SNAP47: variants seen among roughly 807,000 people sequenced by gnomAD.
The protein encoded by SNAP47 is synaptosome associated protein 47, also known as synaptosomal-associated protein 47.
In SNAP47, 20 loss-of-function variants were observed where a neutral mutation model predicts 31.4. The observed-to-expected ratio is 0.64, with a 90% CI of 0.45 to 0.93. The LOEUF is 0.93. SNAP47 is among the 40% of genes least tolerant of loss of function. SNAP47 has a pLI of 0.00. For missense variants in SNAP47, 492 were observed against 528.5 expected, an observed-to-expected ratio of 0.93 and a Z score of 0.68; for synonymous variants, 194 against 213.4, an observed-to-expected ratio of 0.91 and a Z score of 0.79.
intron 1 of SNAP47, among the ~76,000 whole-genome samples, chr1:227,737,843 TC>T (rs1163469564): frequency 6.6e-6 from 1 of 152,096 alleles, no homozygotes; most frequent in South Asian, 2.1e-4. Context: ...CGTGCTATGG[TC>T]CCTTCCTAGT....
Position 227,743,559 on chromosome 1 carries a change from C to T in SNAP47, c.-45-4133C>T, listed in dbSNP as rs149886207. 5.3e-5 allele frequency among the ~76,000 whole-genome samples: 8 copies of T among 152,354 alleles called. No individual in the cohort carries two copies. The East Asian group carries it at 7.7e-4, about 15-fold the overall frequency. On this transcript the variant is annotated intron_variant, in intron 1 of 4. Coordinates refer to ENST00000617596, the MANE Select transcript of SNAP47 (RefSeq NM_053052.4). ...CGAGACTACAGAAGGCTCACCTTCC[C>T]GGCAGTCCCAGGCCTTGCAGGCTCT...
upstream of SNAP47, chr1:227,733,064 G>A (rs774960205): frequency 6.2e-7 from 1 of 1,609,350 alleles, no homozygotes; most frequent in Non-Finnish European, 8.5e-7. Context: ...CTGAGCCCAT[G>A]GCAGGTGCCC....
upstream of SNAP47, chr1:227,732,235 G>T: frequency 1.2e-5 from 10 of 849,342 alleles, no homozygotes; most frequent in Non-Finnish European, 1.9e-5. Flanking sequence ...GGCCTCACCT[G>T]AAAACAGGCA....
chr1:227,775,740 C>T (rs1664120300), intron 4 of SNAP47: 2 of 1,295,542 alleles, frequency 1.5e-6, no homozygotes, highest in Non-Finnish European at 2.0e-6. Context: ...CCTTTATAAA[C>T]AAAATGGAAA....
intron 4 of SNAP47, among the ~76,000 whole-genome samples, chr1:227,769,278 G>A (rs1663638000): frequency 6.6e-6 from 1 of 152,202 alleles, no homozygotes; most frequent in South Asian, 2.1e-4. Context: ...GCGGGAGGAA[G>A]CAGTCACCCA....
chr1:227,760,039 G>C (rs566790644), intron 3 of SNAP47, among the ~76,000 whole-genome samples: 55 of 152,210 alleles, frequency 3.6e-4, no homozygotes, highest in Non-Finnish European at 6.6e-4. Context: ...GGAAGCCAGG[G>C]CATGCCCTTG....
intron 1 of SNAP47, among the ~76,000 whole-genome samples, chr1:227,728,937 G>T (rs1660471946): frequency 6.6e-6 from 1 of 152,126 alleles, no homozygotes; most frequent in Non-Finnish European, 1.5e-5. Context: ...GTGCCTTCAC[G>T]CAGGGGAGGG....
At position 227,762,829 on chromosome 1, in the gene SNAP47, A is replaced by C. The variant is rs1663150770; in HGVS notation, c.988+3344A>C. 6.6e-6 allele frequency among the ~76,000 whole-genome samples: 1 copy of C among 152,202 alleles called. No homozygotes were observed. Among genetic ancestry groups the C allele is most frequent in the Non-Finnish European group, 1.5e-5 (1 of 68,038 alleles). On this transcript the variant is annotated intron_variant, in intron 3 of 4. Transcript: ENST00000617596. This position sits in a 1 kb window ranked among gnomAD's most constrained non-coding sequence, Gnocchi z 4.2. ...TTCTGGAGGCTGGGCCAGGGCTTGCACAGCAGCCTCTGTCTCAGATTTTCT... is the reference window on the plus strand; with the variant it reads ...TTCTGGAGGCTGGGCCAGGGCTTGCCCAGCAGCCTCTGTCTCAGATTTTCT...
intron 3 of SNAP47, 60 bp from the exon 4 acceptor site, chr1:227,766,899 C>T: frequency 6.2e-7 from 1 of 1,602,152 alleles, no homozygotes; most frequent in Non-Finnish European, 8.5e-7. Context: ...CCATCCAGAG[C>T]ACACGAGGGT....
At position 227,766,813 on chromosome 1, in the gene SNAP47, G is replaced by T. The variant is rs1663432791; in HGVS notation, c.989-146G>T. ...CCTTCGGGGCCGGGTGGCAAGGCAA[G>T]GCTCACAGAGGTCGAGAGAGGAAGC... On this transcript the variant is annotated intron_variant, in intron 3 of 4. Coordinates refer to ENST00000617596, the MANE Select transcript of SNAP47 (RefSeq NM_053052.4). The T allele has an allele frequency of 7.5e-6, 9 of 1,193,270 alleles. No homozygotes were observed. The South Asian group carries it at 1.2e-4, about 16-fold the overall frequency. 73.9% of individuals were successfully genotyped at this position (1,193,270 alleles called of 1,614,324 possible). A position where few individuals can be genotyped will look rare whatever the true frequency, so the allele number is the denominator to read the frequency against.
chr1:227,739,082 C>T (rs139967642), intron 1 of SNAP47, among the ~76,000 whole-genome samples: 1 of 152,146 alleles, frequency 6.6e-6, no homozygotes, highest in Non-Finnish European at 1.5e-5. Flanking sequence ...ACCCAGAGCC[C>T]GCTAGATCAG....
chr1:227,758,863 A>T, intron 2 of SNAP47, 132 bp from the exon 3 acceptor site: 1 of 1,094,096 alleles, frequency 9.1e-7, no homozygotes, highest in Non-Finnish European at 1.3e-6. Flanking sequence ...TGCTTCATGG[A>T]GTGCTTGTGG....
At chr1:227,728,547 C>A (rs1429273683), upstream of SNAP47, 3 of 138,952 alleles carry the variant, frequency 2.2e-5, no homozygotes, top group East Asian at 6.7e-4. Context: ...CCCTCTCGAT[C>A]CAGCCTCCCG....
chr1:227,765,252 A>G (rs1000114768), intron 3 of SNAP47, among the ~76,000 whole-genome samples: 1 of 152,138 alleles, frequency 6.6e-6, no homozygotes, highest in African/African-American at 2.4e-5. Context: ...GGGGTGGGGT[A>G]TGGGGCTCTT....
In SNAP47 at chr1:227,780,986, G is replaced by A. The variant is rs1416817080; in HGVS notation, c.*313G>A. Reference sequence around the variant, plus strand: ...GAAGAGGCCGCCCTCGTCTTGTCTCGGCTCCCTTTCATGGACAGACTGGCC... The same window carrying A: ...GAAGAGGCCGCCCTCGTCTTGTCTCAGCTCCCTTTCATGGACAGACTGGCC... On this transcript the variant is annotated 3_prime_UTR_variant, in exon 5 of 5. Coordinates refer to ENST00000617596, the MANE Select transcript of SNAP47 (RefSeq NM_053052.4). The A allele has an allele frequency of 1.1e-5, 4 of 365,416 alleles. No homozygotes were observed. The highest frequency in any genetic ancestry group is 1.1e-4 in the East Asian group (2 of 18,598). 22.6% of individuals were successfully genotyped at this position (365,416 alleles called of 1,614,324 possible). A position where few individuals can be genotyped will look rare whatever the true frequency, so the allele number is the denominator to read the frequency against.
At chr1:227,732,947 T>C (rs1308119359), upstream of SNAP47, 1 of 1,613,230 alleles carries the variant, frequency 6.2e-7, no homozygotes, top group Admixed American at 1.7e-5. Context: ...GCACGGCGCA[T>C]AGCTCCTGCT....
rs1454434295 is a variant in SNAP47, at chr1:227,743,063, G to GT, written c.-45-4628dup. Among the ~76,000 whole-genome samples, 4 of 152,292 alleles carry GT rather than the reference G, an allele frequency of 2.6e-5. No individual in the cohort carries two copies. In the East Asian group the frequency reaches 5.8e-4, roughly 22 times the overall value. On this transcript the variant is annotated intron_variant, in intron 1 of 4. Coordinates refer to ENST00000617596, the MANE Select transcript of SNAP47 (RefSeq NM_053052.4). ...TGGGGGTGTAGCTAGGTTGACCATG[G>GT]TACTGAAGGTCTTGGCGCCCTCTTC...
At chr1:227,747,646 C>T in intron 1 of SNAP47, 46 bp from the exon 2 acceptor site, 1 of 1,531,410 alleles carries the variant, frequency 6.5e-7, no homozygotes, top group Non-Finnish European at 8.8e-7. Context: ...GCTTGTGTCT[C>T]CAGTCCATGG....
At position 227,781,095 on chromosome 1, in the gene SNAP47, C is replaced by T. The variant is rs115665807; in HGVS notation, c.*422C>T. On this transcript the variant is annotated 3_prime_UTR_variant, in exon 5 of 5. Coordinates refer to ENST00000617596, the MANE Select transcript of SNAP47 (RefSeq NM_053052.4). Reference sequence around the variant, plus strand: ...CACTTTGAGGGCATCCTATAAACACCCAACTGTTCTTTTATCGTCTCGGTT... The same window carrying T: ...CACTTTGAGGGCATCCTATAAACACTCAACTGTTCTTTTATCGTCTCGGTT... 2,036 of 166,514 alleles carry T rather than the reference C, an allele frequency of 0.012. 40 individuals carry two copies. Among genetic ancestry groups the T allele is most frequent in the African/African-American group, 0.046 (1,927 of 42,066 alleles). 10.3% of individuals were successfully genotyped at this position (166,514 alleles called of 1,614,324 possible).
Sources: gnomAD v4.1 joint callset for allele counts (sites outside exome capture counted in the v4.1 genomes callset) on GRCh38, gnomAD v4.1.1 for gene constraint, Gnocchi (gnomAD v3.1) non-coding constraint, MANE v1.5 for transcripts, NCBI Gene and HGNC (gene_info 2026-07-23, HGNC 2026-07-21) for gene names.